ANKS1B: variants seen among roughly 807,000 people sequenced by gnomAD.
ANKS1B encodes the protein ankyrin repeat and sterile alpha motif domain containing 1B.
In ANKS1B, 36 loss-of-function variants were observed where a neutral mutation model predicts 148.3. That is an observed-to-expected ratio of 0.24 (90% CI 0.19 to 0.32). The LOEUF (loss-of-function observed/expected upper bound fraction) is 0.32. ANKS1B is among the 10% of genes least tolerant of loss of function. ANKS1B has a pLI of 1.00. For missense variants in ANKS1B, 1,157 were observed against 1,542.6 expected (o/e 0.75, Z 4.19); for synonymous variants, 542 against 560.8 (o/e 0.97, Z 0.47).
At chr12:98,955,912 T>C (rs1226737390) in intron 17 of ANKS1B, among the ~76,000 whole-genome samples, 1 of 152,178 alleles carries the variant, frequency 6.6e-6, no homozygotes, top group Non-Finnish European at 1.5e-5. Flanking sequence ...AGTGTTTAAC[T>C]CCCTTAAACA....
intron 17 of ANKS1B, among the ~76,000 whole-genome samples, chr12:99,028,594 A>C (rs1290165388): frequency 6.6e-6 from 1 of 152,202 alleles, no homozygotes; most frequent in Non-Finnish European, 1.5e-5. Flanking sequence ...TGGAAATTAT[A>C]AGCCTTTTAC....
intron 9 of ANKS1B, among the ~76,000 whole-genome samples, chr12:99,507,318 TCTGA>T: frequency 6.6e-6 from 1 of 151,924 alleles, no homozygotes; most frequent in Middle Eastern, 3.2e-3. Context: ...TATGAACACT[TCTGA>T]GGATTTTTAA....
intron 4 of ANKS1B, among the ~76,000 whole-genome samples, chr12:99,783,034 CA>C (rs1234376405): frequency 2.6e-5 from 4 of 151,618 alleles, no homozygotes; most frequent in Admixed American, 2.6e-4. Flanking sequence ...ACTAAAAATA[CA>C]AAAAAATTAG....
intron 4 of ANKS1B, among the ~76,000 whole-genome samples, chr12:99,805,491 G>T (rs1004036414): frequency 1.3e-5 from 2 of 151,808 alleles, no homozygotes; most frequent in South Asian, 4.2e-4. Context: ...GGGTATGGTG[G>T]TGTGTACCTG....
Position 98,749,567 on chromosome 12 carries a change from C to T in ANKS1B, c.3747+1788G>A, listed in dbSNP as rs567576294. Among the ~76,000 whole-genome samples, 416 of 152,078 alleles carry T rather than the reference C, an allele frequency of 2.7e-3. 2 individuals carry two copies. The highest frequency in any genetic ancestry group is 9.4e-3 in the African/African-American group (391 of 41,490). ...TAGGACATCCGCCTCTTCAAGTAGC[C>T]GAGACCTGAATGACAAGATGAAGTC... is the stretch of plus-strand genomic sequence containing the variant. On this transcript the variant is annotated intron_variant, in intron 26 of 26. Transcript: ENST00000683438.
intron 1 of ANKS1B, among the ~76,000 whole-genome samples, chr12:99,837,098 G>C (rs1013284557): frequency 2.6e-5 from 4 of 152,140 alleles, no homozygotes; most frequent in African/African-American, 7.2e-5. Flanking sequence ...GAGGGAAATG[G>C]AAGAGTCAGA....
At chr12:99,869,462 T>C (rs944829122) in intron 1 of ANKS1B, among the ~76,000 whole-genome samples, 8 of 151,378 alleles carry the variant, frequency 5.3e-5, no homozygotes, top group Admixed American at 2.6e-4. Flanking sequence ...TCACCTGAGG[T>C]TGGGAGTTTG....
chr12:99,039,848 T>C (rs373509236), intron 17 of ANKS1B, among the ~76,000 whole-genome samples: 2 of 152,336 alleles, frequency 1.3e-5, no homozygotes, highest in East Asian at 1.9e-4. Flanking sequence ...CCCTTCTCTA[T>C]ATTCAAAGCA....
chr12:99,718,539 G>A (rs1039951965), intron 8 of ANKS1B, among the ~76,000 whole-genome samples: 8 of 152,190 alleles, frequency 5.3e-5, no homozygotes, highest in Non-Finnish European at 1.0e-4. Context: ...TCACTGGCCT[G>A]TTACAGCATG....
At chr12:98,855,165 CAA>C (rs60609011) in intron 17 of ANKS1B, among the ~76,000 whole-genome samples, 31 of 86,670 alleles carry the variant, frequency 3.6e-4, no homozygotes, top group East Asian at 4.9e-4. Flanking sequence ...GACTCCGTCT[CAA>C]AAAAAAAAAA....
chr12:99,189,998 G>T (rs773466428), intron 14 of ANKS1B, among the ~76,000 whole-genome samples: 2 of 152,124 alleles, frequency 1.3e-5, no homozygotes, highest in African/African-American at 4.8e-5. Flanking sequence ...AAAGTCTCAG[G>T]ATACAAAATC....
At chr12:99,072,628 T>C (rs1464575963) in intron 16 of ANKS1B, among the ~76,000 whole-genome samples, 1 of 152,162 alleles carries the variant, frequency 6.6e-6, no homozygotes, top group African/African-American at 2.4e-5. Context: ...TAGGGTGCTT[T>C]GAAGTACAGC....
chr12:99,530,576 G>A (rs1167555971), intron 9 of ANKS1B, among the ~76,000 whole-genome samples: 1 of 152,022 alleles, frequency 6.6e-6, no homozygotes, highest in Non-Finnish European at 1.5e-5. Flanking sequence ...AAAAAAATCA[G>A]CAAAAAGCAA....
chr12:99,781,063 CAA>C (rs35901124), intron 5 of ANKS1B, among the ~76,000 whole-genome samples: 12 of 120,208 alleles, frequency 1.0e-4, no homozygotes, highest in East Asian at 6.8e-4. Flanking sequence ...CACATAATTG[CAA>C]AAAAAAAAAA....
intron 12 of ANKS1B, among the ~76,000 whole-genome samples, chr12:99,353,821 T>G (rs1167275273): frequency 6.6e-6 from 1 of 152,032 alleles, no homozygotes; most frequent in Non-Finnish European, 1.5e-5. Flanking sequence ...TTCTGTGTGA[T>G]GTACTCACAT....
chr12:99,538,012 CTG>C (rs1289008213), intron 9 of ANKS1B, among the ~76,000 whole-genome samples: 2 of 152,142 alleles, frequency 1.3e-5, no homozygotes, highest in East Asian at 3.9e-4. Context: ...ATTGAAGAGA[CTG>C]TCTTTTCCCC....
At chr12:99,978,378 G>A (rs1047916704) in intron 1 of ANKS1B, among the ~76,000 whole-genome samples, 3 of 152,134 alleles carry the variant, frequency 2.0e-5, no homozygotes, top group Non-Finnish European at 4.4e-5. Flanking sequence ...TGGAGAAAGA[G>A]GTCAATACCA....
At chr12:99,588,171 C>T (rs1323145228) in intron 9 of ANKS1B, among the ~76,000 whole-genome samples, 1 of 151,944 alleles carries the variant, frequency 6.6e-6, no homozygotes, top group Non-Finnish European at 1.5e-5. Context: ...TGCTACACCA[C>T]TGGTTCAAGA....
intron 7 of ANKS1B, among the ~76,000 whole-genome samples, chr12:99,774,776 T>G (rs1360010930): frequency 6.6e-6 from 1 of 152,068 alleles, no homozygotes; most frequent in East Asian, 1.9e-4. Flanking sequence ...GCAATGTGTG[T>G]ATACATTTAT....
Sources: allele counts gnomAD v4.1 joint callset (sites outside exome capture counted in the v4.1 genomes callset), GRCh38; gene constraint gnomAD v4.1.1; transcripts MANE v1.5; gene names NCBI Gene and HGNC (gene_info 2026-07-23, HGNC 2026-07-21).